AK5: variants seen among roughly 807,000 people sequenced by gnomAD.
AK5 encodes adenylate kinase 5.
A neutral mutation model predicts 69.5 loss-of-function variants in AK5; 27 were observed. The ratio of observed to expected loss-of-function variants is 0.39; its 90% CI spans 0.29 to 0.54. AK5 has a LOEUF of 0.54. Ranked by LOEUF, AK5 falls within the 20% of genes least tolerant of loss-of-function variation. The probability of loss-of-function intolerance (pLI) is 0.71; values close to 1 mark genes in which losing one functional copy is unlikely to be tolerated. For synonymous variants in AK5, 260 were observed against 244.4 expected, an observed-to-expected ratio of 1.06 and a Z score of -0.60; for missense variants, 531 against 700.4, an observed-to-expected ratio of 0.76 and a Z score of 2.73.
intron 13 of AK5, among the ~76,000 whole-genome samples, chr1:77,553,046 A>G (rs1438252697): frequency 6.6e-6 from 1 of 152,218 alleles, no homozygotes; most frequent in African/African-American, 2.4e-5. Flanking sequence ...CCTCTTAAAG[A>G]AAAAGGGGGT....
At chr1:77,403,971 C>T (rs528611888) in intron 6 of AK5, among the ~76,000 whole-genome samples, 82 of 152,200 alleles carry the variant, frequency 5.4e-4, no homozygotes, top group African/African-American at 1.9e-3. Flanking sequence ...TCTTTTATTT[C>T]GTTGAGCAGT....
intron 8 of AK5, among the ~76,000 whole-genome samples, chr1:77,428,746 C>T (rs1651386113): frequency 1.3e-5 from 2 of 152,174 alleles, no homozygotes; most frequent in African/African-American, 4.8e-5. Context: ...AATGCTACCC[C>T]TACCCCCTCC....
At chr1:77,416,556 T>C (rs1416623054) in intron 7 of AK5, among the ~76,000 whole-genome samples, 2 of 152,156 alleles carry the variant, frequency 1.3e-5, no homozygotes, top group Non-Finnish European at 2.9e-5. Context: ...AATTTGGTAA[T>C]GGCTATTACT....
intron 8 of AK5, among the ~76,000 whole-genome samples, chr1:77,458,240 G>C (rs1653621283): frequency 6.6e-6 from 1 of 151,632 alleles, no homozygotes; most frequent in Admixed American, 6.6e-5. Context: ...GGCTCCTTCT[G>C]TCATCTTTAA....
intron 6 of AK5, among the ~76,000 whole-genome samples, chr1:77,370,631 A>G (rs758210721): frequency 1.3e-5 from 2 of 152,236 alleles, no homozygotes; most frequent in Non-Finnish European, 2.9e-5. Flanking sequence ...TGGACATGAC[A>G]TTCTTCCTCT....
At chr1:77,380,153 G>A (rs1647531607) in intron 6 of AK5, among the ~76,000 whole-genome samples, 1 of 152,188 alleles carries the variant, frequency 6.6e-6, no homozygotes, top group Non-Finnish European at 1.5e-5. Context: ...CCTCGGCAAG[G>A]TGGGATGCCA....
At chr1:77,546,340 G>A (rs1659543633) in intron 13 of AK5, among the ~76,000 whole-genome samples, 1 of 152,208 alleles carries the variant, frequency 6.6e-6, no homozygotes, top group African/African-American at 2.4e-5. Context: ...CAAAGAATTG[G>A]CACCATTCTA....
chr1:77,506,543 G>C (rs544100927), intron 10 of AK5, among the ~76,000 whole-genome samples: 1 of 152,216 alleles, frequency 6.6e-6, no homozygotes, highest in African/African-American at 2.4e-5. Context: ...CTCATTTTCT[G>C]TCCATGTAAG....
intron 5 of AK5, among the ~76,000 whole-genome samples, chr1:77,313,141 C>T (rs1163121592): frequency 2.0e-5 from 3 of 152,038 alleles, no homozygotes; most frequent in Non-Finnish European, 4.4e-5. Flanking sequence ...ATTGTTTCTA[C>T]AATAGTATTT....
chr1:77,378,197 C>T (rs1471494366), intron 6 of AK5, among the ~76,000 whole-genome samples: 1 of 152,166 alleles, frequency 6.6e-6, no homozygotes, highest in Non-Finnish European at 1.5e-5. Context: ...AAAATTTTAT[C>T]CCAAGTCTTG....
At chr1:77,536,085 T>TA (rs750436713) in intron 13 of AK5, 47 bp downstream of exon 13, 1 of 1,535,040 alleles carries the variant, frequency 6.5e-7, no homozygotes, top group Non-Finnish European at 8.7e-7. Context: ...TTACCTTTTT[T>TA]TTTTTTTTCC....
At chr1:77,367,493 G>T (rs1434385378) in intron 6 of AK5, among the ~76,000 whole-genome samples, 3 of 130,964 alleles carry the variant, frequency 2.3e-5, no homozygotes, top group Non-Finnish European at 3.2e-5. Flanking sequence ...GTTTTTTTTT[G>T]TTTGTTTTGT....
At chr1:77,384,786 G>A (rs985988577) in intron 6 of AK5, among the ~76,000 whole-genome samples, 3 of 152,112 alleles carry the variant, frequency 2.0e-5, no homozygotes, top group Non-Finnish European at 4.4e-5. Flanking sequence ...TATCAAAATG[G>A]ACACACCCCT....
intron 5 of AK5, among the ~76,000 whole-genome samples, chr1:77,316,199 T>C (rs995699062): frequency 6.6e-6 from 1 of 152,134 alleles, no homozygotes; most frequent in African/African-American, 2.4e-5. Flanking sequence ...CAGAAAGGAC[T>C]CCAGGAATTG....
At chr1:77,465,963 TA>T in intron 8 of AK5, among the ~76,000 whole-genome samples, 1 of 152,276 alleles carries the variant, frequency 6.6e-6, no homozygotes, top group East Asian at 1.9e-4. Context: ...ACACAGAATC[TA>T]GAGTGATCTT....
At chr1:77,410,938 T>A in intron 6 of AK5, 43 bp from the exon 7 acceptor site, 1 of 1,487,522 alleles carries the variant, frequency 6.7e-7, no homozygotes, top group Non-Finnish European at 9.4e-7. Context: ...AACTAATTTG[T>A]GTATTCTCAC....
chr1:77,458,885 G>A (rs2100672054), intron 8 of AK5, among the ~76,000 whole-genome samples: 1 of 152,288 alleles, frequency 6.6e-6, no homozygotes, highest in East Asian at 1.9e-4. Flanking sequence ...GCTTACCACA[G>A]GCAGGGACCA....
intron 5 of AK5, among the ~76,000 whole-genome samples, chr1:77,322,126 T>C (rs1479477991): frequency 6.6e-6 from 1 of 152,230 alleles, no homozygotes. Context: ...GAATACATAG[T>C]CATGGGTATT....
chr1:77,341,653 A>G (rs1338633677), intron 6 of AK5, among the ~76,000 whole-genome samples: 1 of 152,214 alleles, frequency 6.6e-6, no homozygotes, highest in Non-Finnish European at 1.5e-5. Flanking sequence ...AGAGACAGAC[A>G]TGACATTTGA....
Sources: gnomAD v4.1 joint callset for allele counts (sites outside exome capture counted in the v4.1 genomes callset) on GRCh38, gnomAD v4.1.1 for gene constraint, MANE v1.5 for transcripts, NCBI Gene and HGNC (gene_info 2026-07-23, HGNC 2026-07-21) for gene names.